Variants in ZNF559 observed in about 807,000 individuals in gnomAD.
The protein encoded by ZNF559 is zinc finger protein 559.
A neutral mutation model predicts 14.2 loss-of-function variants in ZNF559; 17 were observed. The ratio of observed to expected loss-of-function variants is 1.20; its 90% CI spans 0.82 to 1.80. The LOEUF (loss-of-function observed/expected upper bound fraction) is 1.80. Ranked by LOEUF, ZNF559 falls within the 40% of genes most tolerant of loss-of-function variation. The pLI is 0.00. For synonymous variants in ZNF559, 244 were observed against 212.4 expected, an observed-to-expected ratio of 1.15 and a Z score of -1.29; for missense variants, 740 against 629.7, an observed-to-expected ratio of 1.18 and a Z score of -1.88.
chr19:9,341,847 T>A lies in ZNF559; in HGVS notation c.396T>A (p.Ser132=), dbSNP rs1463807421. 1.2e-6 allele frequency: 2 copies of A among 1,609,900 alleles called. No homozygotes were observed. The highest frequency in any genetic ancestry group is 2.7e-5 in the African/African-American group (2 of 74,512). Residue 132 remains serine, a synonymous_variant, in exon 7 of 7, where the codon TCT becomes TCA. Coordinates refer to ENST00000603380, the MANE Select transcript of ZNF559 (RefSeq NM_032497.3). ...GTGAAAAAGCCTTCAGAAAACCCTC[T>A]ATCTTTACTTTACACAAGAAAACTG... ...NQCEKAFRKP[S]IFTLHKKTDI...
intron 2 of ZNF559, among the ~76,000 whole-genome samples, chr19:9,326,016 A>G (rs181871978): frequency 6.2e-4 from 94 of 152,190 alleles, no homozygotes; most frequent in Non-Finnish European, 9.9e-4. Flanking sequence ...CAGCTGTCCA[A>G]AAGTCACCAT....
intron 5 of ZNF559, among the ~76,000 whole-genome samples, chr19:9,339,934 A>ATTTTTTTTTTTTTTTTTTTT (rs545536064): frequency 2.3e-5 from 2 of 86,420 alleles, no homozygotes; most frequent in Non-Finnish European, 4.3e-5. Context: ...ACGCCTGGCT[A>ATTTTTTTTTTTTTTTTTTTT]TTTTTTTTTT....
In ZNF559 at chr19:9,340,984, C is replaced by A. The variant is rs146870425; in HGVS notation, c.161-118C>A. ...TTATGTTTCCCGTTCTTTAAAAAAA[C>A]AAACTATATTTCAAGCCAGTGTTTG... On this transcript the variant is annotated intron_variant, in intron 5 of 6. Coordinates refer to ENST00000603380, the MANE Select transcript of ZNF559 (RefSeq NM_032497.3). 189 of 791,982 alleles carry A rather than the reference C, an allele frequency of 2.4e-4. 1 individual carries two copies. In the African/African-American group the frequency reaches 3.0e-3, roughly 13 times the overall value. 49.1% of individuals were successfully genotyped at this position (791,982 alleles called of 1,614,324 possible).
rs750152960 is a variant in ZNF559, at chr19:9,341,607, T to A, written c.244-88T>A. On this transcript the variant is annotated intron_variant, in intron 6 of 6. Transcript: ENST00000603380. The stretch of plus-strand genomic sequence containing the variant: ...TTCAATTATACTAACTTATTTTCCA[T>A]GTGTAACAGAATTCAGAGTAAAAGG... 3.8e-6 allele frequency: 6 copies of A among 1,596,634 alleles called. No homozygotes were observed. The East Asian group carries it at 8.9e-5, about 24-fold the overall frequency.
At chr19:9,326,382 A>T (rs1421528757) in intron 2 of ZNF559, among the ~76,000 whole-genome samples, 1 of 152,118 alleles carries the variant, frequency 6.6e-6, no homozygotes, top group African/African-American at 2.4e-5. Context: ...TGCGTGAACC[A>T]CCATGCCCCG....
intron 2 of ZNF559, among the ~76,000 whole-genome samples, chr19:9,336,357 T>G (rs10424800): frequency 0.54 from 81,321 of 151,820 alleles, 21,993 homozygotes; most frequent in Middle Eastern, 0.62. Context: ...TTTGGGAGGC[T>G]GAGGCAGGCG....
At chr19:9,332,656 T>A (rs10401135) in intron 2 of ZNF559, among the ~76,000 whole-genome samples, 1 of 151,868 alleles carries the variant, frequency 6.6e-6, no homozygotes, top group Non-Finnish European at 1.5e-5. Context: ...GTAACTGAGA[T>A]GTCTCAGAAT....
Position 9,342,178 on chromosome 19 carries a change from T to C in ZNF559, c.727T>C (p.Cys243Arg), listed in dbSNP as rs1425976370. The change falls in exon 7 of 7, where the codon TGT (cysteine) becomes CGT (arginine). Residue 243 changes from cysteine (C) to arginine (R), a missense_variant. Cys to Arg is a radical substitution (Grantham distance 180). Coordinates refer to ENST00000603380, the MANE Select transcript of ZNF559 (RefSeq NM_032497.3). Reference sequence around the variant, plus strand: ...TCAAGATGGAGAAAAATTCTATGAATGTAAAGCATGTGGGAAACCCTTCAC... The same window carrying C: ...TCAAGATGGAGAAAAATTCTATGAACGTAAAGCATGTGGGAAACCCTTCAC... Reference protein sequence around the residue: ...QTQDGEKFYECKACGKPFTES... With the variant: ...QTQDGEKFYERKACGKPFTES... 17 of 1,607,954 alleles carry C rather than the reference T, an allele frequency of 1.1e-5. No individual in the cohort carries two copies. Among genetic ancestry groups the C allele is most frequent in the Non-Finnish European group, 1.4e-5 (17 of 1,178,236 alleles).
At chr19:9,338,988 T>C (rs1347957482) in intron 4 of ZNF559, among the ~76,000 whole-genome samples, 1 of 152,134 alleles carries the variant, frequency 6.6e-6, no homozygotes, top group African/African-American at 2.4e-5. Flanking sequence ...TATATTCAGT[T>C]AGGTGAAAGA....
At chr19:9,330,225 C>A (rs944640547) in intron 2 of ZNF559, 1 of 152,148 alleles carries the variant, frequency 6.6e-6, no homozygotes, top group Non-Finnish European at 1.5e-5. Flanking sequence ...TGTAGTAAGT[C>A]ATTTTTCTCT....
Position 9,339,091 on chromosome 19 carries a change from CAA to C in ZNF559, c.34-100_34-99del, listed in dbSNP as rs1599340875. 53 of 1,532,582 alleles carry C rather than the reference CAA, an allele frequency of 3.5e-5. No homozygotes were observed. The East Asian group carries it at 1.1e-3, about 33-fold the overall frequency. 94.9% of individuals were successfully genotyped at this position (1,532,582 alleles called of 1,614,324 possible). On this transcript the variant is annotated intron_variant, in intron 4 of 6. Coordinates refer to ENST00000603380, the MANE Select transcript of ZNF559 (RefSeq NM_032497.3). ...TGAGGACCATCAAGTGATAGGAGAC[CAA>C]AGAGTCTTGTCAAGGCATGCCAAGA...
intron 2 of ZNF559, among the ~76,000 whole-genome samples, chr19:9,331,950 T>C (rs2066956840): frequency 6.6e-6 from 1 of 152,242 alleles, no homozygotes; most frequent in Non-Finnish European, 1.5e-5. Context: ...TGTCATTCTT[T>C]TATATTTAGG....
At chr19:9,332,327 A>T (rs921048600) in intron 2 of ZNF559, among the ~76,000 whole-genome samples, 1 of 146,886 alleles carries the variant, frequency 6.8e-6, no homozygotes, top group South Asian at 2.2e-4. Context: ...CTTTTCATAT[A>T]TAGAGGTATA....
chr19:9,341,486 AAGAATATAAC>A (rs2067582454), intron 6 of ZNF559, 199 bp from the exon 7 acceptor site: 1 of 940,578 alleles, frequency 1.1e-6, no homozygotes, highest in Non-Finnish European at 1.7e-6. Context: ...TCTGAAAGTA[AAGAATATAAC>A]AGAACTTCCT....
intron 2 of ZNF559, among the ~76,000 whole-genome samples, chr19:9,329,518 TAA>T (rs138735340): frequency 0.022 from 3,287 of 152,316 alleles, 115 homozygotes; most frequent in African/African-American, 0.075. Context: ...ATTTTTGTCT[TAA>T]AGTCTATTTT....
At chr19:9,336,615 C>G (rs1046009830) in intron 2 of ZNF559, among the ~76,000 whole-genome samples, 3 of 151,714 alleles carry the variant, frequency 2.0e-5, no homozygotes, top group Non-Finnish European at 4.4e-5. Flanking sequence ...CAAAAAAAAA[C>G]TTATGTGTTT....
chr19:9,327,157 T>A (rs2066654936), intron 2 of ZNF559, among the ~76,000 whole-genome samples: 1 of 152,250 alleles, frequency 6.6e-6, no homozygotes, highest in Non-Finnish European at 1.5e-5. Flanking sequence ...TATAGTAATC[T>A]ATAAGTGATA....
chr19:9,341,242 C>A (rs776839904), intron 6 of ZNF559, 58 bp downstream of exon 6: 1 of 1,519,410 alleles, frequency 6.6e-7, no homozygotes, highest in Admixed American at 1.7e-5. Flanking sequence ...TTGGAAATTC[C>A]TTAAAATGGA....
intron 2 of ZNF559, among the ~76,000 whole-genome samples, chr19:9,329,913 C>T (rs749048606): frequency 1.3e-4 from 20 of 152,208 alleles, no homozygotes; most frequent in South Asian, 4.1e-4. Context: ...CTCCCTGTTT[C>T]GGCCTCCCAA....
Sources: gnomAD v4.1 joint callset for allele counts (sites outside exome capture counted in the v4.1 genomes callset) on GRCh38, gnomAD v4.1.1 for gene constraint, MANE v1.5 for transcripts, NCBI Gene and HGNC (gene_info 2026-07-23, HGNC 2026-07-21) for gene names.